ASTN2: variants seen among roughly 807,000 people sequenced by gnomAD.
ASTN2 encodes astrotactin 2, also known as astrotactin-2.
ASTN2 carries 54 observed loss-of-function variants against 139.8 expected under a neutral mutation model. The ratio of observed to expected loss-of-function variants is 0.39; its 90% confidence interval spans 0.31 to 0.48. ASTN2 has a LOEUF of 0.48. Among genes scored for constraint, ASTN2 ranks in the 20% least tolerant of loss-of-function variants. ASTN2 has a pLI of 0.95. For missense variants in ASTN2, 1,565 were observed against 1,725.1 expected (o/e 0.91, Z 1.64); for synonymous variants, 756 against 719.5 (o/e 1.05, Z -0.81).
intron 22 of ASTN2, among the ~76,000 whole-genome samples, chr9:116,428,717 C>T (rs776493862): frequency 7.2e-5 from 11 of 152,170 alleles, no homozygotes; most frequent in Non-Finnish European, 1.3e-4. Flanking sequence ...TCCAGAACAC[C>T]GACTACTCAG....
At chr9:117,368,940 C>G (rs888677764) in intron 1 of ASTN2, among the ~76,000 whole-genome samples, 6 of 152,108 alleles carry the variant, frequency 3.9e-5, no homozygotes, top group Admixed American at 6.6e-5. Context: ...TCTGCTTGAA[C>G]TTAGGTCAAG....
chr9:116,845,348 T>C (rs1340417223), intron 11 of ASTN2, among the ~76,000 whole-genome samples: 1 of 152,182 alleles, frequency 6.6e-6, no homozygotes, highest in Non-Finnish European at 1.5e-5. Flanking sequence ...CTCGGTCTCC[T>C]GACCTCGTGA....
intron 1 of ASTN2, among the ~76,000 whole-genome samples, chr9:117,374,391 A>AAAAAAAAAAAAAAAAAAAAAC (rs1830067390): frequency 6.9e-6 from 1 of 144,554 alleles, no homozygotes; most frequent in African/African-American, 2.5e-5. Flanking sequence ...AAAAAAAAAA[A>AAAAAAAAAAAAAAAAAAAAAC]AAGCACAGAT....
At chr9:116,554,374 T>C (rs1852498921) in intron 19 of ASTN2, among the ~76,000 whole-genome samples, 1 of 152,190 alleles carries the variant, frequency 6.6e-6, no homozygotes, top group Admixed American at 6.5e-5. Flanking sequence ...AAGAGTCTAG[T>C]CCTATCATTG....
At chr9:117,039,295 T>G (rs934974808) in intron 6 of ASTN2, among the ~76,000 whole-genome samples, 44 of 152,208 alleles carry the variant, frequency 2.9e-4, no homozygotes, top group African/African-American at 1.0e-3. Context: ...TGGATAAAAC[T>G]GGAAACCATC....
intron 6 of ASTN2, among the ~76,000 whole-genome samples, chr9:117,017,101 C>A (rs1199069229): frequency 6.6e-6 from 1 of 151,880 alleles, no homozygotes; most frequent in Non-Finnish European, 1.5e-5. Flanking sequence ...AGTATCTTTT[C>A]CCCCAAGAAT....
intron 11 of ASTN2, among the ~76,000 whole-genome samples, chr9:116,852,532 CCTT>C (rs1564305183): frequency 6.6e-6 from 1 of 152,114 alleles, no homozygotes; most frequent in Non-Finnish European, 1.5e-5. Context: ...TTTGATGAAA[CCTT>C]CTCACTGTTT....
At chr9:116,490,302 A>G (rs1017478196) in intron 19 of ASTN2, among the ~76,000 whole-genome samples, 15 of 109,036 alleles carry the variant, frequency 1.4e-4, no homozygotes, top group Admixed American at 5.4e-4. Flanking sequence ...AAAAAAAAAA[A>G]AGGGGGCATT....
intron 5 of ASTN2, 116 bp downstream of exon 5, chr9:117,095,928 A>T (rs1828829358): frequency 1.1e-6 from 1 of 918,652 alleles, no homozygotes; most frequent in Non-Finnish European, 1.7e-6. Context: ...GCTCAGTTTT[A>T]ACCAGATGGG....
At chr9:116,839,882 T>TTATTATTTA (rs1491254776) in intron 11 of ASTN2, among the ~76,000 whole-genome samples, 1 of 61,816 alleles carries the variant, frequency 1.6e-5, no homozygotes, top group Non-Finnish European at 3.4e-5. Flanking sequence ...ATTATTATTA[T>TTATTATTTA]TTTTTTTTTT....
chr9:117,016,610 C>G lies in ASTN2; in HGVS notation c.1424-8351G>C, dbSNP rs7467097. Among the ~76,000 whole-genome samples the G allele has an allele frequency of 2.2e-4, 5 of 22,418 alleles. 1 individual carries two copies. The highest frequency in any genetic ancestry group is 3.7e-4 in the Non-Finnish European group (4 of 10,750). 14.7% of individuals were successfully genotyped at this position (22,418 alleles called of 152,430 possible). On this transcript the variant is annotated intron_variant, in intron 6 of 22. Transcript: ENST00000313400. ...CTAGGTTTTATATATATATCTATAT[C>G]TATATCTATCTATCTATATATATAT...
At chr9:117,279,906 G>A (rs1488689865) in intron 2 of ASTN2, among the ~76,000 whole-genome samples, 1 of 152,006 alleles carries the variant, frequency 6.6e-6, no homozygotes, top group East Asian at 1.9e-4. Context: ...CTTCCCCTGT[G>A]CCTTCTCTTC....
intron 20 of ASTN2, among the ~76,000 whole-genome samples, chr9:116,449,498 G>C (rs1218142788): frequency 2.0e-5 from 3 of 152,198 alleles, no homozygotes; most frequent in Non-Finnish European, 2.9e-5. Flanking sequence ...AACGATGCTT[G>C]ACACATGGTA....
Position 116,592,795 on chromosome 9 carries a change from T to A in ASTN2, c.3355+25529A>T, listed in dbSNP as rs10983255. ...TCACAGATACAGAAACTGAGGCCCA[T>A]AGATGGGAATCTCAAGATCACAAAG... On this transcript the variant is annotated intron_variant, in intron 19 of 22. Coordinates refer to ENST00000313400, the MANE Select transcript of ASTN2 (RefSeq NM_001365068.1). Among the ~76,000 whole-genome samples, 10 of 152,210 alleles carry A rather than the reference T, an allele frequency of 6.6e-5. No homozygotes were observed. In the East Asian group the frequency reaches 1.9e-3, roughly 29 times the overall value.
At chr9:117,409,875 C>G (rs1238742841) in intron 1 of ASTN2, among the ~76,000 whole-genome samples, 1 of 152,184 alleles carries the variant, frequency 6.6e-6, no homozygotes, top group Non-Finnish European at 1.5e-5. Flanking sequence ...GCACCTCACT[C>G]CTTCAAGGAA....
chr9:116,750,986 C>T (rs1477816917), intron 13 of ASTN2, among the ~76,000 whole-genome samples: 1 of 152,198 alleles, frequency 6.6e-6, no homozygotes, highest in African/African-American at 2.4e-5. Flanking sequence ...CAGCTTCCCA[C>T]CTTCTTAGAT....
At chr9:116,548,917 C>T (rs1370915959) in intron 19 of ASTN2, among the ~76,000 whole-genome samples, 1 of 152,072 alleles carries the variant, frequency 6.6e-6, no homozygotes, top group Non-Finnish European at 1.5e-5. Context: ...GATCCATGAC[C>T]CTAAATAAAT....
At chr9:116,453,734 A>C (rs184355395) in intron 20 of ASTN2, among the ~76,000 whole-genome samples, 40 of 152,182 alleles carry the variant, frequency 2.6e-4, no homozygotes, top group Non-Finnish European at 4.0e-4. Flanking sequence ...GTGCATCTTT[A>C]AAATCAAATC....
At chr9:116,437,207 A>T (rs1205155561) in intron 22 of ASTN2, 1 of 394,488 alleles carries the variant, frequency 2.5e-6, no homozygotes, top group South Asian at 2.0e-5. Context: ...TAATAATAAT[A>T]AAAAATACCA....
Sources: gnomAD v4.1 joint callset for allele counts (sites outside exome capture counted in the v4.1 genomes callset) on GRCh38, gnomAD v4.1.1 for gene constraint, MANE v1.5 for transcripts, NCBI Gene and HGNC (gene_info 2026-07-23, HGNC 2026-07-21) for gene names.